The following RASGEF1C variants were observed in gnomAD, a reference collection of about 807,000 sequenced individuals.
RASGEF1C encodes the protein RasGEF domain family member 1C.
Under a neutral mutation model 58.1 loss-of-function variants are expected in RASGEF1C, and 27 were observed. The ratio of observed to expected loss-of-function variants is 0.46; its 90% confidence interval spans 0.34 to 0.64. RASGEF1C has a LOEUF of 0.64. RASGEF1C is among the 30% of genes least tolerant of loss of function. The pLI is 0.01. For missense variants in RASGEF1C, 502 were observed against 605.1 expected, an observed-to-expected ratio of 0.83 and a Z score of 1.79; for synonymous variants, 243 against 246.3, an observed-to-expected ratio of 0.99 and a Z score of 0.13.
In RASGEF1C at chr5:180,118,659, G is replaced by T; in HGVS notation, c.1033C>A (p.Leu345Met). 1 of 1,614,126 alleles carries T rather than the reference G, an allele frequency of 6.2e-7. No homozygotes were observed. Among genetic ancestry groups the T allele is most frequent in the South Asian group, 1.1e-5 (1 of 91,068 alleles). Residue 345 changes from leucine (L) to methionine (M), a missense_variant, in exon 10 of 14, where the codon CTG (leucine) becomes ATG (methionine). Physicochemically the swap from Leu to Met is conservative, Grantham distance 15. Coordinates refer to ENST00000361132, the MANE Select transcript of RASGEF1C (RefSeq NM_175062.4). ...AGGGAGCGGTGGGCCGCCCCGCGCAGGGCTGTCCTGTAGTTGCAGAAATTC... is the reference window on the plus strand; with the variant it reads ...AGGGAGCGGTGGGCCGCCCCGCGCATGGCTGTCCTGTAGTTGCAGAAATTC... ...TGNFCNYRTA[L>M]RGAAHRSLTA...
rs1006729154 is a variant in RASGEF1C at position 180,197,056 on chromosome 5, C to A, written c.-7+11972G>T. ...CGGTGAGGCTCCCCTCAGACCTCAC[C>A]ACAGGGCAGGGCTGCTCTCACTGAC... On this transcript the variant is annotated intron_variant, in intron 1 of 13. Transcript: ENST00000361132. This position sits in a 1 kb window ranked among gnomAD's most constrained non-coding sequence, Gnocchi z 4.7. 1.3e-5 allele frequency among the ~76,000 whole-genome samples: 2 copies of A among 152,216 alleles called. No individual in the cohort carries two copies. The highest frequency in any genetic ancestry group is 2.9e-5 in the Non-Finnish European group (2 of 68,040).
chr5:180,207,627 C>T (rs996085710), intron 1 of RASGEF1C, among the ~76,000 whole-genome samples: 5 of 30,082 alleles, frequency 1.7e-4, no homozygotes, highest in African/African-American at 3.3e-4. Flanking sequence ...CCGTCCCTCT[C>T]TCGCCTGCCC....
chr5:180,140,792 C>T (rs192146928), intron 1 of RASGEF1C, among the ~76,000 whole-genome samples: 151 of 152,352 alleles, frequency 9.9e-4, no homozygotes, highest in African/African-American at 1.2e-3. Flanking sequence ...TGAGGGCTGA[C>T]GGCAGGATGC....
chr5:180,102,185 G>A (rs1765799100), intron 12 of RASGEF1C, 42 bp from the exon 13 acceptor site: 1 of 1,183,852 alleles, frequency 8.4e-7, no homozygotes, highest in Non-Finnish European at 1.3e-6. Flanking sequence ...TATGGTTGAT[G>A]ATAATAACCT....
intron 12 of RASGEF1C, among the ~76,000 whole-genome samples, chr5:180,103,369 A>T (rs180965861): frequency 2.6e-5 from 4 of 152,052 alleles, no homozygotes; most frequent in South Asian, 2.1e-4. Flanking sequence ...GAGCCACCGC[A>T]CCCGGCACAT....
intron 12 of RASGEF1C, among the ~76,000 whole-genome samples, chr5:180,105,422 T>C (rs913845737): frequency 2.7e-5 from 4 of 149,356 alleles, no homozygotes; most frequent in Non-Finnish European, 4.4e-5. Context: ...ATTAGCCAAG[T>C]GTGGTGGCGG....
intron 1 of RASGEF1C, among the ~76,000 whole-genome samples, chr5:180,140,053 A>G (rs539709639): frequency 6.6e-6 from 1 of 152,232 alleles, no homozygotes; most frequent in African/African-American, 2.4e-5. Context: ...TGCCACTTTA[A>G]AGAGACAGCC....
intron 12 of RASGEF1C, among the ~76,000 whole-genome samples, chr5:180,110,392 C>CTTTTTTTT (rs67020657): frequency 7.6e-6 from 1 of 132,286 alleles, no homozygotes; most frequent in African/African-American, 2.8e-5. Context: ...ATCCTTCTCC[C>CTTTTTTTT]TTTTTTTTTT....
intron 4 of RASGEF1C, chr5:180,135,082 G>A (rs1391515801): frequency 1.6e-5 from 2 of 122,200 alleles, no homozygotes; most frequent in African/African-American, 5.9e-5. Context: ...CCCTGGCCCT[G>A]TTCTGTGCTG....
In RASGEF1C at chr5:180,137,694, A is replaced by G. The variant is rs746800235; in HGVS notation, c.196T>C (p.Phe66Leu). ...ATGAAGAGGCGAGAGCTCAGCAGGA[A>G]GGTGAAGATGTAGGCTTTCTGGGGG... ...YYPEKAYIFT[F>L]LLSSRLFIEP... is the part of the protein sequence containing the mutation. Residue 66 changes from phenylalanine to leucine, a missense_variant, in exon 3 of 14, where the codon TTC (phenylalanine) becomes CTC (leucine). Physicochemically the swap from Phe to Leu is conservative, Grantham distance 22 (BLOSUM62 0). Transcript: ENST00000361132. This position sits in a 1 kb window ranked among gnomAD's most constrained non-coding sequence, Gnocchi z 4.1. The G allele has an allele frequency of 6.2e-7, 1 of 1,613,004 alleles. No homozygotes were observed. Among genetic ancestry groups the G allele is most frequent in the South Asian group, 1.1e-5 (1 of 91,070 alleles).
intron 1 of RASGEF1C, among the ~76,000 whole-genome samples, chr5:180,201,267 A>C (rs1756390938): frequency 6.6e-6 from 1 of 152,160 alleles, no homozygotes; most frequent in South Asian, 2.1e-4. Context: ...TGTGGCCTGG[A>C]AGTAGAGGCA....
Position 180,101,342 on chromosome 5 carries a change from T to C in RASGEF1C, c.*159A>G. 5.6e-6 allele frequency: 4 copies of C among 712,858 alleles called. No homozygotes were observed. The South Asian group carries it at 6.9e-5, about 12-fold the overall frequency. 44.2% of individuals were successfully genotyped at this position (712,858 alleles called of 1,614,324 possible). On this transcript the variant is annotated 3_prime_UTR_variant, in exon 14 of 14. Transcript: ENST00000361132. ...CCATAAAAGGTCTCCTGTGCCCGTATGGCCACTGTGGGGGGGGGGGGGGCG... is the reference window on the plus strand; with the variant it reads ...CCATAAAAGGTCTCCTGTGCCCGTACGGCCACTGTGGGGGGGGGGGGGGCG...
At chr5:180,111,250 C>G (rs546947377) in intron 12 of RASGEF1C, among the ~76,000 whole-genome samples, 1 of 152,282 alleles carries the variant, frequency 6.6e-6, no homozygotes, top group African/African-American at 2.4e-5. Context: ...GAGGCCCCAG[C>G]TTGGACCTCC....
At chr5:180,207,113 T>C (rs566635745) in intron 1 of RASGEF1C, among the ~76,000 whole-genome samples, 1 of 152,202 alleles carries the variant, frequency 6.6e-6, no homozygotes, top group Non-Finnish European at 1.5e-5. Context: ...TAACAGTGTG[T>C]CCGACTGATA....
At chr5:180,182,385 C>T (rs545383895) in intron 1 of RASGEF1C, among the ~76,000 whole-genome samples, 36 of 151,990 alleles carry the variant, frequency 2.4e-4, no homozygotes, top group African/African-American at 7.5e-4. Context: ...AAAGGTGGCG[C>T]GGACCCAAAC....
chr5:180,181,351 C>T lies in RASGEF1C; in HGVS notation c.-7+27677G>A, dbSNP rs148103341. On this transcript the variant is annotated intron_variant, in intron 1 of 13. Coordinates refer to ENST00000361132, the MANE Select transcript of RASGEF1C (RefSeq NM_175062.4). ...TGTATGACAACACTAGCATTGTCGTCGGTTGGACTGAGTCCCTCCTAAACA... is the reference window on the plus strand; with the variant it reads ...TGTATGACAACACTAGCATTGTCGTTGGTTGGACTGAGTCCCTCCTAAACA... Among the ~76,000 whole-genome samples the T allele has an allele frequency of 2.2e-4, 34 of 152,330 alleles. 1 individual carries two copies. The East Asian group carries it at 5.8e-3, about 26-fold the overall frequency.
At chr5:180,189,946 A>G (rs1359722311) in intron 1 of RASGEF1C, among the ~76,000 whole-genome samples, 1 of 150,896 alleles carries the variant, frequency 6.6e-6, no homozygotes, top group Admixed American at 6.6e-5. Flanking sequence ...AAAAAAAAAA[A>G]AAGGAAAGAC....
Position 180,209,110 on chromosome 5 carries a change from CCCGCCGCCGCCGCCGCCG to C in RASGEF1C, c.-107_-90del, listed in dbSNP as rs768278930. 0.057 allele frequency: 8,312 copies of C among 144,670 alleles called. 385 individuals carry two copies. Among genetic ancestry groups the C allele is most frequent in the East Asian group, 0.1 (481 of 4,778 alleles). The allele number at this position is 144,670 out of a possible 1,614,324, so 9.0% of individuals were successfully genotyped here. On this transcript the variant is annotated 5_prime_UTR_variant, in exon 1 of 14. Coordinates refer to ENST00000361132, the MANE Select transcript of RASGEF1C (RefSeq NM_175062.4). ...CTCGGCGCCGCGGACCGGGGCGCCG[CCCGCCGCCGCCGCCGCCG>C]CCGCCGCCGCCGCCGCCGCCGCCCG...
chr5:180,186,214 T>A (rs1244926365), intron 1 of RASGEF1C, among the ~76,000 whole-genome samples: 1 of 152,118 alleles, frequency 6.6e-6, no homozygotes, highest in Non-Finnish European at 1.5e-5. Context: ...ATAAATGGCT[T>A]TGAAATTAAA....
Sources: gnomAD v4.1 joint callset for allele counts (sites outside exome capture counted in the v4.1 genomes callset) on GRCh38, gnomAD v4.1.1 for gene constraint, Gnocchi (gnomAD v3.1) non-coding constraint, MANE v1.5 for transcripts, NCBI Gene and HGNC (gene_info 2026-07-23, HGNC 2026-07-21) for gene names.